The following EEFSEC variants were observed in gnomAD, a reference collection of about 807,000 sequenced individuals.
EEFSEC encodes the protein eukaryotic elongation factor, selenocysteine-tRNA specific.
In EEFSEC, 43 loss-of-function variants were observed where a neutral mutation model predicts 42.1. That is an observed-to-expected ratio of 1.02 (90% CI 0.80 to 1.32). The LOEUF (loss-of-function observed/expected upper bound fraction) is 1.32. Among genes scored for constraint, EEFSEC ranks in the 40% most tolerant of loss-of-function variants. The probability of loss-of-function intolerance (pLI) is 0.00; values close to 1 mark genes in which losing one functional copy is unlikely to be tolerated. For missense variants in EEFSEC, 745 were observed against 803.6 expected (o/e 0.93, Z 0.88); for synonymous variants, 354 against 339.1 (o/e 1.04, Z -0.48).
intron 1 of EEFSEC, among the ~76,000 whole-genome samples, chr3:128,216,702 T>G (rs1559872452): frequency 6.6e-6 from 1 of 152,270 alleles, no homozygotes; most frequent in Non-Finnish European, 1.5e-5. Flanking sequence ...TGCAAGAGCC[T>G]CAGGGGAGCC....
At chr3:128,198,919 C>T (rs986618831) in intron 1 of EEFSEC, among the ~76,000 whole-genome samples, 1 of 152,084 alleles carries the variant, frequency 6.6e-6, no homozygotes, top group African/African-American at 2.4e-5. Flanking sequence ...GCAACCTCCA[C>T]CTCCCAGGTT....
chr3:128,343,380 C>G (rs1047491539), intron 5 of EEFSEC, among the ~76,000 whole-genome samples: 4 of 152,116 alleles, frequency 2.6e-5, no homozygotes, highest in African/African-American at 9.7e-5. Context: ...TGTACCTAGA[C>G]CTGCCCTCAA....
At chr3:128,195,652 A>T (rs1298812521) in intron 1 of EEFSEC, among the ~76,000 whole-genome samples, 2 of 152,120 alleles carry the variant, frequency 1.3e-5, no homozygotes, top group Non-Finnish European at 2.9e-5. Context: ...CCTCCCATTC[A>T]CAAGTGTAGT....
At chr3:128,173,240 A>G (rs2065316649) in intron 1 of EEFSEC, among the ~76,000 whole-genome samples, 1 of 152,228 alleles carries the variant, frequency 6.6e-6, no homozygotes, top group Non-Finnish European at 1.5e-5. Context: ...TGCTGGAACC[A>G]TCAGTTTCCA....
intron 6 of EEFSEC, among the ~76,000 whole-genome samples, chr3:128,393,804 G>A (rs2067945914): frequency 6.6e-6 from 1 of 152,280 alleles, no homozygotes; most frequent in Non-Finnish European, 1.5e-5. Flanking sequence ...GGGAGGTACT[G>A]AGGGCTGTGA....
At chr3:128,392,298 G>C (rs2067923499) in intron 6 of EEFSEC, among the ~76,000 whole-genome samples, 1 of 152,226 alleles carries the variant, frequency 6.6e-6, no homozygotes, top group South Asian at 2.1e-4. Flanking sequence ...GGCCCCCTAT[G>C]TCCTGGCTGT....
At chr3:128,327,629 G>A (rs35581265) in intron 4 of EEFSEC, among the ~76,000 whole-genome samples, 1,695 of 152,302 alleles carry the variant, frequency 0.011, 11 homozygotes, top group Middle Eastern at 0.051. Context: ...AAGATGTGCA[G>A]GAAGGCATTC....
In EEFSEC at chr3:128,246,989, A is replaced by G; in HGVS notation, c.470A>G (p.Gln157Arg). 1.2e-6 allele frequency: 2 copies of G among 1,614,208 alleles called. No individual in the cohort carries two copies. The part of the protein sequence containing the change: ...KIDLLPEGKR[Q>R]AAIDKMTKKM... ...GACCTCTTACCTGAAGGAAAGAGAC[A>G]GGCAGCAATTGATAAAATGACCAAG... is the stretch of plus-strand genomic sequence containing the variant. The change falls in exon 2 of 7, where the codon CAG becomes CGG. Residue 157 changes from glutamine to arginine, a missense_variant. By Grantham distance (43) the Gln-to-Arg change is conservative. Coordinates refer to ENST00000254730, the MANE Select transcript of EEFSEC (RefSeq NM_021937.5).
chr3:128,271,768 C>A (rs533214130), intron 4 of EEFSEC, among the ~76,000 whole-genome samples: 1 of 152,300 alleles, frequency 6.6e-6, no homozygotes, highest in Admixed American at 6.5e-5. Flanking sequence ...TGCTCCTCCC[C>A]TTGCCTCCCA....
intron 5 of EEFSEC, 36 bp from the exon 6 acceptor site, chr3:128,358,181 A>G (rs2067479648): frequency 6.2e-7 from 1 of 1,608,584 alleles, no homozygotes; most frequent in Non-Finnish European, 8.5e-7. Flanking sequence ...GTGCACCACT[A>G]ATGCCCTCTC....
chr3:128,406,743 G>A (rs1876283), intron 6 of EEFSEC, among the ~76,000 whole-genome samples: 3,039 of 151,912 alleles, frequency 0.02, 77 homozygotes, highest in African/African-American at 0.056. Context: ...AGCCCAGGAG[G>A]CAGAGGTTGT....
intron 1 of EEFSEC, among the ~76,000 whole-genome samples, chr3:128,219,225 C>T (rs757158599): frequency 4.6e-5 from 7 of 152,244 alleles, no homozygotes; most frequent in Non-Finnish European, 1.0e-4. Context: ...GCAGCAACTG[C>T]CCTCTGGCCT....
the EEFSEC span, among the ~76,000 whole-genome samples, chr3:128,421,332 G>A: frequency 7.8e-4 from 119 of 152,334 alleles, no homozygotes; most frequent in African/African-American, 2.4e-3. Context: ...GTATCCCAGC[G>A]TGAACGAGGG....
chr3:128,390,684 G>A (rs754441993), intron 6 of EEFSEC, among the ~76,000 whole-genome samples: 12 of 152,130 alleles, frequency 7.9e-5, no homozygotes, highest in Non-Finnish European at 1.3e-4. Flanking sequence ...TGTGCCCAGG[G>A]CCCAAGGCAG....
chr3:128,365,189 G>A (rs898576339), intron 6 of EEFSEC, among the ~76,000 whole-genome samples: 1 of 152,236 alleles, frequency 6.6e-6, no homozygotes, highest in South Asian at 2.1e-4. Context: ...TCTAGGTGCT[G>A]GAGGGGGTCA....
At chr3:128,412,714 T>C (rs537502499), downstream of EEFSEC, among the ~76,000 whole-genome samples, 1 of 152,256 alleles carries the variant, frequency 6.6e-6, no homozygotes, top group Non-Finnish European at 1.5e-5. Context: ...TAATTAGCAT[T>C]TGACTGATAA....
chr3:128,415,529 A>C, the EEFSEC span, among the ~76,000 whole-genome samples: 1 of 152,188 alleles, frequency 6.6e-6, no homozygotes, highest in Non-Finnish European at 1.5e-5. Flanking sequence ...TCACTGCCCC[A>C]GTGCTCACCG....
the EEFSEC span, among the ~76,000 whole-genome samples, chr3:128,417,491 C>T: frequency 6.6e-6 from 1 of 152,186 alleles, no homozygotes; most frequent in Admixed American, 6.5e-5. This position sits in a 1 kb window ranked among gnomAD's most constrained non-coding sequence, Gnocchi z 4.3. Context: ...TCCACATTCC[C>T]ACCCGCTGTT....
chr3:128,264,651 AT>A lies in EEFSEC; in HGVS notation c.657del (p.Ser221ArgfsTer20), dbSNP rs747933691. ...LTSQISIPTR[D>X]PSGPFLMSVD... Reference sequence around the variant, plus strand: ...TCCCAGATTTCCATCCCAACGAGAGATCCCTCGGGACCGTTCCTCATGTCTG... The same window carrying A: ...TCCCAGATTTCCATCCCAACGAGAGACCCTCGGGACCGTTCCTCATGTCTG... On this transcript the variant is annotated frameshift_variant, in exon 4 of 7. Coordinates refer to ENST00000254730, the MANE Select transcript of EEFSEC (RefSeq NM_021937.5). LOFTEE classifies it high-confidence loss of function. The A allele has an allele frequency of 1.5e-5, 25 of 1,613,280 alleles. No individual in the cohort carries two copies. The highest frequency in any genetic ancestry group is 2.1e-5 in the Non-Finnish European group (25 of 1,179,734).
Sources: allele counts gnomAD v4.1 joint callset (sites outside exome capture counted in the v4.1 genomes callset), GRCh38; gene constraint gnomAD v4.1.1; non-coding constraint Gnocchi (gnomAD v3.1); transcripts MANE v1.5; gene names NCBI Gene and HGNC (gene_info 2026-07-23, HGNC 2026-07-21).